Variants in MAD1L1 observed in about 807,000 individuals in gnomAD.
The protein encoded by MAD1L1 is mitotic arrest deficient 1 like 1.
A neutral mutation model predicts 96.9 loss-of-function variants in MAD1L1; 95 were observed. The ratio of observed to expected loss-of-function variants is 0.98; its 90% CI spans 0.83 to 1.16. The LOEUF is 1.16. MAD1L1 is among the 50% of genes most tolerant of loss of function. The probability of loss-of-function intolerance (pLI) is 0.00; values close to 1 mark genes in which losing one functional copy is unlikely to be tolerated. For missense variants in MAD1L1, 1,007 were observed against 954.4 expected, an observed-to-expected ratio of 1.06 and a Z score of -0.73; for synonymous variants, 473 against 396.6, an observed-to-expected ratio of 1.19 and a Z score of -2.29.
At chr7:1,819,918 G>C (rs1782037491) in intron 18 of MAD1L1, among the ~76,000 whole-genome samples, 1 of 152,122 alleles carries the variant, frequency 6.6e-6, no homozygotes, top group African/African-American at 2.4e-5. Context: ...AACTCGAGGG[G>C]AGGAAGCTAG....
chr7:2,076,133 G>A (rs540332208), intron 11 of MAD1L1, among the ~76,000 whole-genome samples: 2 of 152,368 alleles, frequency 1.3e-5, no homozygotes, highest in East Asian at 1.9e-4. Context: ...GTGGTGCCTG[G>A]AGTGTGGATC....
At chr7:2,197,179 C>T (rs1792034416) in intron 10 of MAD1L1, among the ~76,000 whole-genome samples, 2 of 152,242 alleles carry the variant, frequency 1.3e-5, no homozygotes, top group African/African-American at 4.8e-5. Context: ...CCACACAACA[C>T]TGTCCGAACA....
At chr7:2,191,468 C>T (rs1490770864) in intron 10 of MAD1L1, among the ~76,000 whole-genome samples, 1 of 152,210 alleles carries the variant, frequency 6.6e-6, no homozygotes, top group East Asian at 1.9e-4. Flanking sequence ...TGGAGGCTAA[C>T]ACCTGTAATC....
chr7:2,222,099 A>T (rs1166134186), intron 5 of MAD1L1, among the ~76,000 whole-genome samples: 3 of 149,680 alleles, frequency 2.0e-5, no homozygotes, highest in Non-Finnish European at 4.4e-5. Flanking sequence ...TTTGAGACAG[A>T]GTCTTGCTGT....
intron 18 of MAD1L1, among the ~76,000 whole-genome samples, chr7:1,823,168 T>C (rs764025621): frequency 5.3e-5 from 8 of 152,106 alleles, no homozygotes; most frequent in Non-Finnish European, 1.0e-4. Context: ...AAGGGCAGCC[T>C]TGTCTTTGCT....
At chr7:1,833,440 G>A (rs1418210781) in intron 18 of MAD1L1, among the ~76,000 whole-genome samples, 1 of 152,236 alleles carries the variant, frequency 6.6e-6, no homozygotes, top group Non-Finnish European at 1.5e-5. Flanking sequence ...AATAGTCAGA[G>A]ATGTCAATAT....
chr7:2,196,053 G>A (rs1438863588), intron 10 of MAD1L1, among the ~76,000 whole-genome samples: 1 of 152,258 alleles, frequency 6.6e-6, no homozygotes, highest in African/African-American at 2.4e-5. Flanking sequence ...CCAGATGGAT[G>A]GAGGTTATTG....
intron 11 of MAD1L1, among the ~76,000 whole-genome samples, chr7:2,113,724 A>G (rs1449695087): frequency 6.6e-6 from 1 of 152,230 alleles, no homozygotes; most frequent in Non-Finnish European, 1.5e-5. Flanking sequence ...GCAACAGAAC[A>G]TGGTGATGTC....
At chr7:1,913,996 C>T (rs1030697532) in intron 17 of MAD1L1, among the ~76,000 whole-genome samples, 1 of 148,590 alleles carries the variant, frequency 6.7e-6, no homozygotes, top group African/African-American at 2.5e-5. Context: ...GGTAGACAAG[C>T]TCCCAGGGCA....
At chr7:2,180,669 T>C (rs996010263) in intron 10 of MAD1L1, among the ~76,000 whole-genome samples, 5 of 152,210 alleles carry the variant, frequency 3.3e-5, no homozygotes, top group Non-Finnish European at 7.3e-5. Flanking sequence ...TAATAATTGT[T>C]GTCAGATTGT....
rs1789283529 is a variant in MAD1L1 at position 2,146,059 on chromosome 7, G to A, written c.1073+3093C>T. Among the ~76,000 whole-genome samples the A allele has an allele frequency of 6.6e-6, 1 of 152,188 alleles. No homozygotes were observed. On this transcript the variant is annotated intron_variant, in intron 11 of 18. Transcript: ENST00000265854. The surrounding 1 kb of genome is among the most constrained non-coding windows in gnomAD (Gnocchi z 6.2). ...AGTGCATCAAGACTGCGTGGTGTAG[G>A]CTGCTCACAGCGGCACACTACGCCG... is the stretch of plus-strand genomic sequence containing the variant.
At chr7:2,158,085 G>A (rs1044631688) in intron 10 of MAD1L1, among the ~76,000 whole-genome samples, 1 of 152,240 alleles carries the variant, frequency 6.6e-6, no homozygotes, top group Admixed American at 6.5e-5. Flanking sequence ...GAACACGCGG[G>A]CTTCAGCTGC....
intron 10 of MAD1L1, among the ~76,000 whole-genome samples, chr7:2,182,867 G>C (rs1791267233): frequency 6.6e-6 from 1 of 152,184 alleles, no homozygotes; most frequent in Non-Finnish European, 1.5e-5. Context: ...TCTGGAATTA[G>C]ACAGTAGGTA....
At chr7:2,228,159 G>A (rs1252968747) in intron 3 of MAD1L1, among the ~76,000 whole-genome samples, 4 of 151,994 alleles carry the variant, frequency 2.6e-5, no homozygotes, top group African/African-American at 9.7e-5. Flanking sequence ...CTCACCGAGA[G>A]GCCTTTACCA....
At chr7:1,849,383 CAG>C (rs1783838470) in intron 18 of MAD1L1, 1 of 152,254 alleles carries the variant, frequency 6.6e-6, no homozygotes, top group Admixed American at 6.5e-5. Flanking sequence ...TTTGCAGACA[CAG>C]AGCCCCCAAG....
At position 2,229,968 on chromosome 7, in the gene MAD1L1, G is replaced by A; in HGVS notation, c.150+16C>T. The stretch of plus-strand genomic sequence containing the variant: ...TCTCCCCAGAGCAGACTCCCACCCA[G>A]GCACATGCCACTCACCTGCATGCTC... On this transcript the variant is annotated intron_variant, in intron 3 of 18. Transcript: ENST00000265854. 6.2e-7 allele frequency: 1 copy of A among 1,611,666 alleles called. No individual in the cohort carries two copies.
chr7:2,147,458 C>A (rs374424503), intron 11 of MAD1L1, among the ~76,000 whole-genome samples: 1 of 152,260 alleles, frequency 6.6e-6, no homozygotes, highest in Non-Finnish European at 1.5e-5. Flanking sequence ...CAGACACACA[C>A]ATGAAAGCAA....
At chr7:2,087,584 G>T (rs1256856976) in intron 11 of MAD1L1, among the ~76,000 whole-genome samples, 2 of 152,094 alleles carry the variant, frequency 1.3e-5, no homozygotes, top group African/African-American at 4.8e-5. Context: ...AAATGGAGAA[G>T]CCCAAATGGA....
chr7:2,068,062 T>C (rs1784961369), intron 12 of MAD1L1, among the ~76,000 whole-genome samples: 1 of 152,232 alleles, frequency 6.6e-6, no homozygotes, highest in African/African-American at 2.4e-5. Flanking sequence ...TGCCTGACCA[T>C]GCAGCAGGGC....
Sources: allele counts gnomAD v4.1 joint callset (sites outside exome capture counted in the v4.1 genomes callset), GRCh38; gene constraint gnomAD v4.1.1; non-coding constraint Gnocchi (gnomAD v3.1); transcripts MANE v1.5; gene names NCBI Gene and HGNC (gene_info 2026-07-23, HGNC 2026-07-21).